The following METTL15 variants were observed in gnomAD, a reference collection of about 807,000 sequenced individuals.
METTL15 encodes methyltransferase 15, mitochondrial 12S rRNA N4-cytidine, also known as 12S rRNA N(4)-cytidine methyltransferase METTL15.
METTL15 carries 34 observed loss-of-function variants against 38.3 expected under a neutral mutation model. That is an observed-to-expected ratio of 0.89 (90% CI 0.68 to 1.18). The LOEUF (loss-of-function observed/expected upper bound fraction) is 1.18. Among genes scored for constraint, METTL15 ranks in the 50% most tolerant of loss-of-function variants. The pLI, the probability that METTL15 is intolerant of heterozygous loss-of-function variation, is 0.00. For synonymous variants in METTL15, 162 were observed against 170.9 expected (o/e 0.95, Z 0.41); for missense variants, 438 against 498.4 (o/e 0.88, Z 1.15).
At chr11:28,204,271 C>T (rs985377894) in intron 3 of METTL15, among the ~76,000 whole-genome samples, 1 of 151,824 alleles carries the variant, frequency 6.6e-6, no homozygotes, top group Non-Finnish European at 1.5e-5. Flanking sequence ...TTATGTCTTA[C>T]ATTTTTTGTT....
At chr11:28,338,597 T>C (rs1849922503) in intron 3 of METTL15, among the ~76,000 whole-genome samples, 1 of 152,238 alleles carries the variant, frequency 6.6e-6, no homozygotes, top group East Asian at 1.9e-4. Context: ...GGAATGTGCA[T>C]GTAGTGAGGG....
intron 3 of METTL15, among the ~76,000 whole-genome samples, chr11:28,210,528 A>T (rs771545086): frequency 6.6e-6 from 1 of 151,876 alleles, no homozygotes; most frequent in Non-Finnish European, 1.5e-5. Context: ...TTATTATTAC[A>T]GATACAATCT....
intron 6 of METTL15, among the ~76,000 whole-genome samples, chr11:28,453,186 GTGTA>G: frequency 6.6e-6 from 1 of 152,312 alleles, no homozygotes; most frequent in African/African-American, 2.4e-5. Flanking sequence ...CCAGAATATT[GTGTA>G]TGTAGCAACT....
intron 4 of METTL15, chr11:28,287,334 T>G: frequency 4.0e-6 from 1 of 251,234 alleles, no homozygotes. Flanking sequence ...GAAACCAAAC[T>G]GGCAGGATGG....
intron 3 of METTL15, among the ~76,000 whole-genome samples, chr11:28,167,676 C>T (rs1276664248): frequency 6.6e-6 from 1 of 151,276 alleles, no homozygotes; most frequent in Non-Finnish European, 1.5e-5. Context: ...CATTTCCTAT[C>T]ACAGAATCCC....
chr11:28,241,468 A>G (rs565703015), intron 4 of METTL15, among the ~76,000 whole-genome samples: 2 of 151,470 alleles, frequency 1.3e-5, no homozygotes, highest in Non-Finnish European at 2.9e-5. Context: ...CGGGAGGCGG[A>G]GCTTGCAGTG....
intron 5 of METTL15, among the ~76,000 whole-genome samples, chr11:28,408,786 A>G (rs75157445): frequency 3.9e-5 from 6 of 152,212 alleles, no homozygotes; most frequent in Admixed American, 3.9e-4. Context: ...ACACATGTAC[A>G]TATATATCAA....
intron 3 of METTL15, among the ~76,000 whole-genome samples, chr11:28,151,611 T>C (rs903799449): frequency 3.3e-5 from 5 of 152,020 alleles, no homozygotes; most frequent in Admixed American, 6.6e-5. Flanking sequence ...TTTATTGCAC[T>C]GTTCACTACC....
intron 5 of METTL15, among the ~76,000 whole-genome samples, chr11:28,394,783 C>CT (rs1044814682): frequency 1.3e-5 from 2 of 151,976 alleles, no homozygotes; most frequent in African/African-American, 4.8e-5. Flanking sequence ...GCTATAATTC[C>CT]TTTTCTGTAA....
chr11:28,257,002 G>T (rs1349526601), intron 4 of METTL15, among the ~76,000 whole-genome samples: 1 of 152,000 alleles, frequency 6.6e-6, no homozygotes. Flanking sequence ...TATTTGTATA[G>T]TTTCCAAAAT....
intron 3 of METTL15, among the ~76,000 whole-genome samples, chr11:28,349,919 G>A (rs572078205): frequency 6.6e-6 from 1 of 152,292 alleles, no homozygotes; most frequent in South Asian, 2.1e-4. Context: ...TGCACAGAAG[G>A]TGTTGCATAA....
intron 4 of METTL15, among the ~76,000 whole-genome samples, chr11:28,289,192 T>TA (rs1302822253): frequency 6.6e-6 from 1 of 152,158 alleles, no homozygotes; most frequent in Non-Finnish European, 1.5e-5. Context: ...AAACTGTTTA[T>TA]ACATCTTTTC....
intron 3 of METTL15, chr11:28,197,485 G>A (rs776309714): frequency 1.3e-5 from 6 of 447,736 alleles, no homozygotes; most frequent in Admixed American, 2.4e-5. Context: ...CCAATTTCCT[G>A]GTGATGTGGA....
At chr11:28,492,638 G>T (rs1590393356) in intron 6 of METTL15, among the ~76,000 whole-genome samples, 1 of 152,190 alleles carries the variant, frequency 6.6e-6, no homozygotes, top group East Asian at 1.9e-4. Flanking sequence ...GAAAGCCTAT[G>T]TCAGGTCTCT....
intron 6 of METTL15, among the ~76,000 whole-genome samples, chr11:28,459,646 G>C (rs1169885146): frequency 6.6e-6 from 1 of 152,136 alleles, no homozygotes; most frequent in Non-Finnish European, 1.5e-5. Flanking sequence ...ACCCTAAAGA[G>C]AAAAGCTCTT....
At chr11:28,476,745 G>T (rs1851349733) in intron 6 of METTL15, among the ~76,000 whole-genome samples, 1 of 152,162 alleles carries the variant, frequency 6.6e-6, no homozygotes, top group South Asian at 2.1e-4. Flanking sequence ...TCTGACTTCA[G>T]GCACACCTTA....
intron 6 of METTL15, among the ~76,000 whole-genome samples, chr11:28,521,502 T>A (rs1851764917): frequency 6.6e-6 from 1 of 152,198 alleles, no homozygotes; most frequent in Non-Finnish European, 1.5e-5. Flanking sequence ...AGAAATCATA[T>A]GAAGTTATTC....
In METTL15 at chr11:28,512,070, G is replaced by A. The variant is rs1851679265; in HGVS notation, c.*425-14408G>A. 3.3e-5 allele frequency among the ~76,000 whole-genome samples: 5 copies of A among 151,974 alleles called. No individual in the cohort carries two copies. The South Asian group carries it at 1.0e-3, about 32-fold the overall frequency. Reference sequence around the variant, plus strand: ...AGCTAGACACAGGGTGCTGATTGGTGCGTTTACAATCCCTGAGCTAGACAC... The same window carrying A: ...AGCTAGACACAGGGTGCTGATTGGTACGTTTACAATCCCTGAGCTAGACAC... On this transcript the variant is annotated intron_variant and NMD_transcript_variant, in intron 6 of 7. Coordinates refer to the METTL15 transcript ENST00000532947.
intron 5 of METTL15, among the ~76,000 whole-genome samples, chr11:28,393,384 G>A (rs946951490): frequency 9.2e-5 from 14 of 152,082 alleles, no homozygotes; most frequent in African/African-American, 3.4e-4. Flanking sequence ...CCCAAATTTA[G>A]TGGTTTAAAG....
Sources: allele counts gnomAD v4.1 joint callset (sites outside exome capture counted in the v4.1 genomes callset), GRCh38; gene constraint gnomAD v4.1.1; transcripts MANE v1.5; gene names NCBI Gene and HGNC (gene_info 2026-07-23, HGNC 2026-07-21).